ENOX1: variants seen among roughly 807,000 people sequenced by gnomAD.
ENOX1 encodes the protein ecto-NOX disulfide-thiol exchanger 1.
ENOX1 carries 42 observed loss-of-function variants against 82.5 expected under a neutral mutation model. The observed-to-expected ratio is 0.51, with a 90% confidence interval of 0.40 to 0.66. ENOX1 has a LOEUF of 0.66. ENOX1 is among the 30% of genes least tolerant of loss of function. The probability of loss-of-function intolerance (pLI) is 0.00; values close to 1 mark genes in which losing one functional copy is unlikely to be tolerated. For missense variants in ENOX1, 608 were observed against 811.6 expected (o/e 0.75, Z 3.05); for synonymous variants, 271 against 282.2 (o/e 0.96, Z 0.40).
chr13:43,280,676 T>C (rs1481330319), intron 12 of ENOX1, among the ~76,000 whole-genome samples: 1 of 152,246 alleles, frequency 6.6e-6, no homozygotes, highest in African/African-American at 2.4e-5. Flanking sequence ...GTATCACCTA[T>C]ATTACTTAAC....
chr13:43,617,875 C>T (rs1448569686), intron 2 of ENOX1, among the ~76,000 whole-genome samples: 1 of 123,840 alleles, frequency 8.1e-6, no homozygotes, highest in East Asian at 2.5e-4. Flanking sequence ...ACTGCATCCA[C>T]GTCAACATCT....
chr13:43,346,484 G>T (rs2049387377), intron 8 of ENOX1, among the ~76,000 whole-genome samples: 1 of 152,160 alleles, frequency 6.6e-6, no homozygotes, highest in East Asian at 1.9e-4. Context: ...CCCTGTGAAT[G>T]ACAGACTCAA....
chr13:43,546,474 A>C (rs2153697191), intron 2 of ENOX1: 1 of 152,356 alleles, frequency 6.6e-6, no homozygotes, highest in African/African-American at 2.4e-5. Flanking sequence ...ACCCCACAGG[A>C]GCCTGGGGAT....
intron 5 of ENOX1, among the ~76,000 whole-genome samples, chr13:43,380,702 A>G (rs1458456935): frequency 1.3e-5 from 2 of 151,740 alleles, no homozygotes; most frequent in Admixed American, 1.3e-4. Context: ...TAAAAATAAA[A>G]GGACTGAAAA....
chr13:43,441,635 A>G (rs2056359982), intron 3 of ENOX1, among the ~76,000 whole-genome samples: 1 of 152,086 alleles, frequency 6.6e-6, no homozygotes, highest in African/African-American at 2.4e-5. Flanking sequence ...TCCCACCTGG[A>G]GGTCCTGCCC....
At chr13:43,275,573 A>AACACACAC (rs71202257) in intron 12 of ENOX1, among the ~76,000 whole-genome samples, 9 of 148,898 alleles carry the variant, frequency 6.0e-5, no homozygotes, top group East Asian at 2.0e-4. Context: ...GACTGACACC[A>AACACACAC]ACACACACAC....
chr13:43,506,748 A>G (rs1458330518), intron 2 of ENOX1, among the ~76,000 whole-genome samples: 1 of 139,860 alleles, frequency 7.2e-6, no homozygotes, highest in Non-Finnish European at 1.6e-5. Flanking sequence ...AAAAAACCCA[A>G]CACCGCATGT....
At chr13:43,719,114 A>G (rs2088368478) in intron 1 of ENOX1, among the ~76,000 whole-genome samples, 1 of 152,154 alleles carries the variant, frequency 6.6e-6, no homozygotes, top group South Asian at 2.1e-4. Context: ...GACAATCAGC[A>G]TTTTAATTCC....
In ENOX1 at chr13:43,470,380, ATATATACGTATATATATGTG is replaced by A. The variant is rs1417196243; in HGVS notation, c.-75+13609_-75+13628del. On this transcript the variant is annotated intron_variant, in intron 3 of 16. Coordinates refer to ENST00000690772, the MANE Select transcript of ENOX1 (RefSeq NM_001347969.2). ...TATATATATACGTATATATATACAT[ATATATACGTATATATATGTG>A]TATATATATATATATATAACAGAGA... is the stretch of plus-strand genomic sequence containing the variant. Among the ~76,000 whole-genome samples, 66 of 31,054 alleles carry A rather than the reference ATATATACGTATATATATGTG, an allele frequency of 2.1e-3. 13 individuals carry two copies. Among genetic ancestry groups the A allele is most frequent in the Non-Finnish European group, 6.0e-3 (55 of 9,154 alleles). The allele number at this position is 31,054 out of a possible 152,430, so 20.4% of individuals were successfully genotyped here.
chr13:43,519,576 T>A (rs2077683532), intron 2 of ENOX1, among the ~76,000 whole-genome samples: 2 of 152,086 alleles, frequency 1.3e-5, no homozygotes, highest in Admixed American at 6.5e-5. Flanking sequence ...AATTAATCTG[T>A]CTCACCACAG....
rs549483510 is a variant in ENOX1, at chr13:43,290,464, T to C, written c.1446+7882A>G. Among the ~76,000 whole-genome samples the C allele has an allele frequency of 3.0e-4, 46 of 152,154 alleles. No individual in the cohort carries two copies. The South Asian group carries it at 9.6e-3, about 32-fold the overall frequency. ...GTCCTTTGCAGTAACAGGGATGTAG[T>C]TGGAGGCCTTAATCCTAAACAAGTT... On this transcript the variant is annotated intron_variant, in intron 12 of 16. Coordinates refer to ENST00000690772, the MANE Select transcript of ENOX1 (RefSeq NM_001347969.2).
chr13:43,491,227 G>A lies in ENOX1; in HGVS notation c.-218-7075C>T, dbSNP rs540032951. 2.6e-4 allele frequency among the ~76,000 whole-genome samples: 40 copies of A among 152,216 alleles called. No individual in the cohort carries two copies. The South Asian group carries it at 8.3e-3, about 32-fold the overall frequency. ...CAACCAGATCTTGCATGGACTTAGT[G>A]AGAACTCACCTATCACAAAGGACAT... On this transcript the variant is annotated intron_variant, in intron 2 of 16. Coordinates refer to ENST00000690772, the MANE Select transcript of ENOX1 (RefSeq NM_001347969.2).
intron 2 of ENOX1, among the ~76,000 whole-genome samples, chr13:43,632,494 G>A (rs531812769): frequency 2.0e-5 from 3 of 151,678 alleles, no homozygotes; most frequent in African/African-American, 7.2e-5. Context: ...TGCCCAGGCT[G>A]GAGTGCAGTG....
At chr13:43,710,222 G>A (rs1331535868) in intron 1 of ENOX1, among the ~76,000 whole-genome samples, 2 of 152,074 alleles carry the variant, frequency 1.3e-5, no homozygotes, top group African/African-American at 4.8e-5. Context: ...AAAGACATCA[G>A]GATCAGATAA....
intron 12 of ENOX1, among the ~76,000 whole-genome samples, chr13:43,269,888 A>G (rs1482105828): frequency 1.3e-5 from 2 of 152,244 alleles, no homozygotes; most frequent in African/African-American, 4.8e-5. Flanking sequence ...ACATTCATAG[A>G]TGAAAAAATT....
intron 1 of ENOX1, among the ~76,000 whole-genome samples, chr13:43,773,215 T>G (rs1207133121): frequency 6.6e-6 from 1 of 152,226 alleles, no homozygotes; most frequent in Non-Finnish European, 1.5e-5. Context: ...ATCACTTCCC[T>G]TAAAACCCTT....
At chr13:43,772,749 TAAAAAAAAA>T (rs35359203) in intron 1 of ENOX1, among the ~76,000 whole-genome samples, 22 of 112,102 alleles carry the variant, frequency 2.0e-4, no homozygotes, top group African/African-American at 8.5e-4. Flanking sequence ...ACTCTGTCTT[TAAAAAAAAA>T]AAAAAAAAAA....
At chr13:43,321,620 G>A (rs1474230846) in intron 11 of ENOX1, among the ~76,000 whole-genome samples, 2 of 152,220 alleles carry the variant, frequency 1.3e-5, no homozygotes, top group Non-Finnish European at 2.9e-5. Context: ...TTATACACAT[G>A]AGGAGACAGA....
chr13:43,569,714 C>T (rs1478029202), intron 2 of ENOX1, among the ~76,000 whole-genome samples: 1 of 151,882 alleles, frequency 6.6e-6, no homozygotes. Context: ...TTTTGCTCAG[C>T]TTCATACAAC....
Sources: gnomAD v4.1 joint callset for allele counts (sites outside exome capture counted in the v4.1 genomes callset) on GRCh38, gnomAD v4.1.1 for gene constraint, MANE v1.5 for transcripts, NCBI Gene and HGNC (gene_info 2026-07-23, HGNC 2026-07-21) for gene names.